Variants in PLXDC1 observed in about 807,000 individuals in gnomAD.
PLXDC1 encodes plexin domain-containing protein 1.
In PLXDC1, 39 loss-of-function variants were observed where a neutral mutation model predicts 61.3. The observed-to-expected ratio is 0.64, with a 90% confidence interval of 0.49 to 0.83. PLXDC1 has a LOEUF of 0.83. Among genes scored for constraint, PLXDC1 ranks in the 40% least tolerant of loss-of-function variants. The probability of loss-of-function intolerance (pLI) is 0.00; values close to 1 mark genes in which losing one functional copy is unlikely to be tolerated. For synonymous variants in PLXDC1, 212 were observed against 254.5 expected, an observed-to-expected ratio of 0.83 and a Z score of 1.59; for missense variants, 596 against 666.5, an observed-to-expected ratio of 0.89 and a Z score of 1.17.
At chr17:39,125,419 G>GTAT (rs76652164) in intron 2 of PLXDC1, among the ~76,000 whole-genome samples, 3,441 of 152,178 alleles carry the variant, frequency 0.023, 56 homozygotes, top group Middle Eastern at 0.058. Context: ...GGCATTGGGG[G>GTAT]TATTAAGCAT....
At chr17:39,105,414 A>G (rs1567762199) in intron 7 of PLXDC1, among the ~76,000 whole-genome samples, 1 of 152,080 alleles carries the variant, frequency 6.6e-6, no homozygotes, top group African/African-American at 2.4e-5. Flanking sequence ...GGCTAGAGAG[A>G]TGATGTGGTT....
chr17:39,090,162 C>T (rs888023710), intron 7 of PLXDC1, among the ~76,000 whole-genome samples: 3 of 152,152 alleles, frequency 2.0e-5, no homozygotes, highest in East Asian at 1.9e-4. Flanking sequence ...CCCAGGACTG[C>T]GCCCCCGTGG....
intron 1 of PLXDC1, among the ~76,000 whole-genome samples, chr17:39,144,265 G>A (rs1179174320): frequency 6.6e-6 from 1 of 152,130 alleles, no homozygotes; most frequent in Non-Finnish European, 1.5e-5. Flanking sequence ...GCTCCCTAGT[G>A]ACTCAAATGG....
chr17:39,097,689 C>G (rs536707461), intron 7 of PLXDC1, among the ~76,000 whole-genome samples: 1 of 151,088 alleles, frequency 6.6e-6, no homozygotes, highest in African/African-American at 2.4e-5. Context: ...CAATACCACC[C>G]TATTTTATTA....
At chr17:39,118,346 G>A (rs977454889) in intron 2 of PLXDC1, among the ~76,000 whole-genome samples, 2 of 151,984 alleles carry the variant, frequency 1.3e-5, no homozygotes, top group Non-Finnish European at 2.9e-5. Flanking sequence ...TGGGATTACA[G>A]GTGCATACCA....
intron 2 of PLXDC1, among the ~76,000 whole-genome samples, chr17:39,119,377 C>T (rs1288267064): frequency 6.6e-6 from 1 of 152,216 alleles, no homozygotes; most frequent in Non-Finnish European, 1.5e-5. Context: ...TTACCCTGAT[C>T]TGATCACTAT....
chr17:39,063,429 C>T lies in PLXDC1; in HGVS notation c.*4411G>A, dbSNP rs754034520. ...GCTGGGGTTTCTTTTTAGGCTGTTT[C>T]TCTTGGAGGTGGTGCAGGAGGTTGA... is the stretch of plus-strand genomic sequence containing the variant. On this transcript the variant is annotated 3_prime_UTR_variant, in exon 14 of 14. Coordinates refer to ENST00000315392, the MANE Select transcript of PLXDC1 (RefSeq NM_020405.5). 1.0e-5 allele frequency: 7 copies of T among 701,746 alleles called. No individual in the cohort carries two copies. The highest frequency in any genetic ancestry group is 1.6e-5 in the Non-Finnish European group (6 of 384,714). The allele number at this position is 701,746 out of a possible 1,614,324, so 43.5% of individuals were successfully genotyped here. A position where few individuals can be genotyped will look rare whatever the true frequency, so the allele number is the denominator to read the frequency against.
chr17:39,107,377 C>G (rs760142403), intron 6 of PLXDC1, 30 bp downstream of exon 6: 18 of 1,327,734 alleles, frequency 1.4e-5, no homozygotes, highest in Non-Finnish European at 7.4e-6. Context: ...GCTCCAAGAC[C>G]CAGCTGTCTC....
At chr17:39,135,812 C>T (rs1334428445) in intron 2 of PLXDC1, among the ~76,000 whole-genome samples, 1 of 152,110 alleles carries the variant, frequency 6.6e-6, no homozygotes, top group Non-Finnish European at 1.5e-5. Flanking sequence ...AATCCATTGC[C>T]CCAGTGTTTC....
intron 2 of PLXDC1, among the ~76,000 whole-genome samples, chr17:39,129,835 T>G (rs772987202): frequency 3.3e-5 from 5 of 152,078 alleles, no homozygotes; most frequent in African/African-American, 1.2e-4. Flanking sequence ...CATTTACACA[T>G]GTTCACAGCA....
intron 9 of PLXDC1, 67 bp downstream of exon 9, chr17:39,083,392 G>T: frequency 7.9e-7 from 1 of 1,261,842 alleles, no homozygotes; most frequent in Non-Finnish European, 1.1e-6. Flanking sequence ...GCCAGGACGG[G>T]GCCATGCCAC....
chr17:39,148,532 C>T (rs1040900765), intron 1 of PLXDC1, among the ~76,000 whole-genome samples: 26 of 151,822 alleles, frequency 1.7e-4, no homozygotes, highest in Admixed American at 1.3e-4. Flanking sequence ...AGGCATGCAC[C>T]ACCACGCCTG....
chr17:39,112,512 CAGTGGTG>C (rs1910845650), intron 2 of PLXDC1, among the ~76,000 whole-genome samples: 1 of 130,234 alleles, frequency 7.7e-6, no homozygotes. Flanking sequence ...GGCTGGAGTG[CAGTGGTG>C]CGATCTCAGC....
At chr17:39,090,048 C>T (rs1330191356) in intron 7 of PLXDC1, among the ~76,000 whole-genome samples, 1 of 152,146 alleles carries the variant, frequency 6.6e-6, no homozygotes, top group East Asian at 1.9e-4. Flanking sequence ...ATATGCCTGC[C>T]TGAGACCCCC....
chr17:39,077,584 A>C (rs1909389266), intron 11 of PLXDC1, among the ~76,000 whole-genome samples: 1 of 152,196 alleles, frequency 6.6e-6, no homozygotes, highest in Admixed American at 6.5e-5. Flanking sequence ...ACTGCTATTA[A>C]GATTAGCTGA....
At chr17:39,111,167 G>A (rs1425501318) in intron 2 of PLXDC1, among the ~76,000 whole-genome samples, 1 of 152,112 alleles carries the variant, frequency 6.6e-6, no homozygotes, top group African/African-American at 2.4e-5. Flanking sequence ...TCCCCTGACA[G>A]CCTCAAGCCA....
At chr17:39,093,181 C>T (rs1567758612) in intron 7 of PLXDC1, among the ~76,000 whole-genome samples, 1 of 152,196 alleles carries the variant, frequency 6.6e-6, no homozygotes, top group Non-Finnish European at 1.5e-5. Context: ...GATTCTCCCA[C>T]TTCAGTCCCT....
At chr17:39,097,585 C>T (rs1207571817) in intron 7 of PLXDC1, among the ~76,000 whole-genome samples, 1 of 152,092 alleles carries the variant, frequency 6.6e-6, no homozygotes, top group African/African-American at 2.4e-5. Flanking sequence ...ACTTGCATTT[C>T]AATACTCCAC....
chr17:39,065,877 C>T lies in PLXDC1; in HGVS notation c.*1963G>A, dbSNP rs1397845408. 2.6e-5 allele frequency: 4 copies of T among 152,698 alleles called. No individual in the cohort carries two copies. Among genetic ancestry groups the T allele is most frequent in the Admixed American group, 1.3e-4 (2 of 15,284 alleles). The allele number at this position is 152,698 out of a possible 1,614,324, so 9.5% of individuals were successfully genotyped here. A position where few individuals can be genotyped will look rare whatever the true frequency, so the allele number is the denominator to read the frequency against. On this transcript the variant is annotated 3_prime_UTR_variant, in exon 14 of 14. Transcript: ENST00000315392. ...GCCGTAGACCCCTACGCCTCCCCAC[C>T]CCACAGGCACATGCAGGCTCCAGGG... is the stretch of plus-strand genomic sequence containing the variant.
Sources: gnomAD v4.1 joint callset for allele counts (sites outside exome capture counted in the v4.1 genomes callset) on GRCh38, gnomAD v4.1.1 for gene constraint, MANE v1.5 for transcripts, NCBI Gene and HGNC (gene_info 2026-07-23, HGNC 2026-07-21) for gene names.